Variants in MAP2K6 observed in about 807,000 individuals in gnomAD.
MAP2K6 encodes the protein dual specificity mitogen-activated protein kinase kinase 6.
A neutral mutation model predicts 53.7 loss-of-function variants in MAP2K6; 16 were observed. That is an observed-to-expected ratio of 0.30 (90% CI 0.20 to 0.45). The LOEUF (loss-of-function observed/expected upper bound fraction) is 0.45, where lower values mean the gene tolerates loss of function less well. MAP2K6 is among the 20% of genes least tolerant of loss of function. MAP2K6 has a pLI of 1.00. For synonymous variants in MAP2K6, 132 were observed against 143.1 expected, an observed-to-expected ratio of 0.92 and a Z score of 0.55; for missense variants, 204 against 411.9, an observed-to-expected ratio of 0.50 and a Z score of 4.37.
Position 69,536,144 on chromosome 17 carries a change from C to G in MAP2K6, c.911C>G (p.Thr304Arg). The G allele has an allele frequency of 1.9e-6, 3 of 1,611,332 alleles. No homozygotes were observed. The highest frequency in any genetic ancestry group is 2.5e-6 in the Non-Finnish European group (3 of 1,178,350). Residue 304 changes from threonine to arginine, a missense_variant, in exon 11 of 12, where the codon ACA becomes AGA. Thr to Arg is a moderately conservative substitution (Grantham distance 71, BLOSUM62 -1). Transcript: ENST00000590474. The stretch of plus-strand genomic sequence containing the variant: ...AAGAAGAATTCCAAAGAACGGCCTA[C>G]ATACCCAGAGCTAATGGTGAGTATT... ...CLKKNSKERP[T>R]YPELMQHPFF...
chr17:69,522,826 G>T (rs1226463332), intron 7 of MAP2K6, among the ~76,000 whole-genome samples: 1 of 151,710 alleles, frequency 6.6e-6, no homozygotes, highest in Non-Finnish European at 1.5e-5. Context: ...GAGGTGGGGT[G>T]GGAGGACTGC....
chr17:69,524,848 G>A (rs1910681362), intron 8 of MAP2K6, 53 bp from the exon 9 acceptor site: 6 of 1,360,750 alleles, frequency 4.4e-6, no homozygotes, highest in Non-Finnish European at 6.3e-6. Context: ...ATTGAGCTAA[G>A]AACGTTATCT....
At chr17:69,513,696 C>T (rs1178202325) in intron 2 of MAP2K6, among the ~76,000 whole-genome samples, 1 of 152,132 alleles carries the variant, frequency 6.6e-6, no homozygotes, top group Non-Finnish European at 1.5e-5. Flanking sequence ...CTGTAATTTG[C>T]TGAGCCCTGG....
At chr17:69,455,073 A>G (rs1371724095) in intron 1 of MAP2K6, among the ~76,000 whole-genome samples, 1 of 151,566 alleles carries the variant, frequency 6.6e-6, no homozygotes, top group African/African-American at 2.4e-5. Flanking sequence ...GTAAGGGTAC[A>G]ATGTTCTGAA....
intron 11 of MAP2K6, among the ~76,000 whole-genome samples, chr17:69,537,642 G>A (rs1371953949): frequency 6.6e-6 from 1 of 152,216 alleles, no homozygotes; most frequent in Non-Finnish European, 1.5e-5. Context: ...CACTTCTGTT[G>A]CCTAAGCTTT....
intron 1 of MAP2K6, among the ~76,000 whole-genome samples, chr17:69,450,101 A>ATTTTTTTTTTT: frequency 8.0e-6 from 1 of 124,902 alleles, no homozygotes; most frequent in Non-Finnish European, 1.7e-5. Flanking sequence ...CACCTGGCTA[A>ATTTTTTTTTTT]TTTTTTTTTT....
intron 1 of MAP2K6, 122 bp downstream of exon 1, chr17:69,415,122 T>C (rs1237394734): frequency 6.9e-6 from 6 of 872,168 alleles, no homozygotes; most frequent in Non-Finnish European, 9.3e-6. Context: ...ACAGCTCAGT[T>C]GCATTTCCTG....
intron 10 of MAP2K6, 126 bp downstream of exon 10, chr17:69,526,835 CT>C: frequency 1.9e-5 from 22 of 1,141,462 alleles, no homozygotes; most frequent in Non-Finnish European, 2.5e-5. Context: ...AGTATGCCCT[CT>C]CTGCTGGAGA....
intron 1 of MAP2K6, among the ~76,000 whole-genome samples, chr17:69,477,789 G>A (rs1475884654): frequency 6.6e-6 from 1 of 152,164 alleles, no homozygotes; most frequent in Non-Finnish European, 1.5e-5. Context: ...TAGCAGATGT[G>A]ACATCTGTTA....
intron 1 of MAP2K6, among the ~76,000 whole-genome samples, chr17:69,478,283 G>T (rs1487068988): frequency 1.3e-5 from 2 of 152,178 alleles, no homozygotes; most frequent in Non-Finnish European, 2.9e-5. Flanking sequence ...CATTCCCTCA[G>T]CTCATTCAGG....
At chr17:69,458,529 C>T (rs1263833028) in intron 1 of MAP2K6, among the ~76,000 whole-genome samples, 2 of 152,130 alleles carry the variant, frequency 1.3e-5, no homozygotes, top group African/African-American at 2.4e-5. Flanking sequence ...CTGATTTTCC[C>T]CAAAACCGTG....
At chr17:69,540,457 C>G (rs527903988) in intron 11 of MAP2K6, among the ~76,000 whole-genome samples, 3 of 152,198 alleles carry the variant, frequency 2.0e-5, no homozygotes, top group Non-Finnish European at 2.9e-5. Flanking sequence ...ACTATAAGAA[C>G]TGTGGCTCAT....
intron 1 of MAP2K6, chr17:69,485,132 G>A (rs1908483939): frequency 6.6e-6 from 1 of 152,158 alleles, no homozygotes; most frequent in East Asian, 1.9e-4. Context: ...TTTAATAAGA[G>A]TCAGAGTGCA....
intron 1 of MAP2K6, among the ~76,000 whole-genome samples, chr17:69,504,271 T>A (rs1909335940): frequency 6.6e-6 from 1 of 151,192 alleles, no homozygotes; most frequent in Non-Finnish European, 1.5e-5. Flanking sequence ...GAGGTAGGAT[T>A]CTTTTTTTTT....
At chr17:69,452,191 G>T (rs1188361484) in intron 1 of MAP2K6, among the ~76,000 whole-genome samples, 1 of 151,362 alleles carries the variant, frequency 6.6e-6, no homozygotes, top group East Asian at 1.9e-4. Flanking sequence ...TGGGGTAGGG[G>T]GAGGGTGTTA....
At position 69,546,297 on chromosome 17, in the gene MAP2K6, T is replaced by C. The variant is rs1286660535; in HGVS notation, c.*4544T>C. 1.3e-5 allele frequency: 2 copies of C among 152,200 alleles called. No homozygotes were observed. Among genetic ancestry groups the C allele is most frequent in the African/African-American group, 4.8e-5 (2 of 41,450 alleles). 9.4% of individuals were successfully genotyped at this position (152,200 alleles called of 1,614,324 possible). A position where few individuals can be genotyped will look rare whatever the true frequency, so the allele number is the denominator to read the frequency against. Reference sequence around the variant, plus strand: ...ACTCTTCTTTGCTGTTCATCAGCCCTGCAATGCCGTAGTGTCTTAGTCTAG... The same window carrying C: ...ACTCTTCTTTGCTGTTCATCAGCCCCGCAATGCCGTAGTGTCTTAGTCTAG... On this transcript the variant is annotated 3_prime_UTR_variant, in exon 12 of 12. Transcript: ENST00000590474.
intron 10 of MAP2K6, among the ~76,000 whole-genome samples, chr17:69,533,155 C>T (rs907157418): frequency 6.6e-6 from 1 of 152,106 alleles, no homozygotes; most frequent in African/African-American, 2.4e-5. Flanking sequence ...TCTTGAACTC[C>T]TGACCTCAAG....
intron 1 of MAP2K6, among the ~76,000 whole-genome samples, chr17:69,437,940 T>A (rs1906699838): frequency 6.6e-6 from 1 of 152,246 alleles, no homozygotes; most frequent in Non-Finnish European, 1.5e-5. Context: ...GAATAATAAT[T>A]CTGTTGCATT....
intron 2 of MAP2K6, among the ~76,000 whole-genome samples, chr17:69,514,383 C>T (rs1244507136): frequency 1.3e-5 from 2 of 152,050 alleles, no homozygotes; most frequent in Non-Finnish European, 2.9e-5. Flanking sequence ...GTTTGTGGGG[C>T]ATGTGTGTGT....
Sources: allele counts gnomAD v4.1 joint callset (sites outside exome capture counted in the v4.1 genomes callset), GRCh38; gene constraint gnomAD v4.1.1; transcripts MANE v1.5; gene names NCBI Gene and HGNC (gene_info 2026-07-23, HGNC 2026-07-21).